Variants in GPC5 observed in about 807,000 individuals in gnomAD.
GPC5 encodes the protein glypican 5.
A neutral mutation model predicts 53.9 loss-of-function variants in GPC5; 47 were observed. The ratio of observed to expected loss-of-function variants is 0.87; its 90% CI spans 0.69 to 1.11. The LOEUF (loss-of-function observed/expected upper bound fraction) is 1.11. Ranked by LOEUF, GPC5 falls within the 50% of genes most tolerant of loss-of-function variation. The pLI is 0.00. For synonymous variants in GPC5, 286 were observed against 263.3 expected, an observed-to-expected ratio of 1.09 and a Z score of -0.84; for missense variants, 748 against 713.1, an observed-to-expected ratio of 1.05 and a Z score of -0.56.
intron 6 of GPC5, among the ~76,000 whole-genome samples, chr13:91,978,004 T>G (rs747232579): frequency 1.3e-4 from 20 of 150,754 alleles, no homozygotes; most frequent in Non-Finnish European, 2.4e-4. Flanking sequence ...AAAAATTAAA[T>G]TAGCTGGGCA....
intron 7 of GPC5, among the ~76,000 whole-genome samples, chr13:92,639,661 T>C (rs1357065747): frequency 1.3e-5 from 2 of 152,354 alleles, no homozygotes; most frequent in African/African-American, 2.4e-5. Context: ...TCAAACATTA[T>C]CTTTTCAATT....
At chr13:92,409,545 C>A (rs974035616) in intron 7 of GPC5, among the ~76,000 whole-genome samples, 3 of 151,914 alleles carry the variant, frequency 2.0e-5, no homozygotes, top group Admixed American at 2.0e-4. Flanking sequence ...AGATTAATAT[C>A]TGTTGTGAAT....
chr13:91,894,794 A>G (rs923036617), intron 5 of GPC5, among the ~76,000 whole-genome samples: 2 of 152,156 alleles, frequency 1.3e-5, no homozygotes, highest in Non-Finnish European at 2.9e-5. Context: ...AGTGTGTACA[A>G]AAATTTTAAC....
At chr13:91,725,011 G>A (rs2036548201) in intron 3 of GPC5, 1 of 152,212 alleles carries the variant, frequency 6.6e-6, no homozygotes. Flanking sequence ...CACAGTTGGG[G>A]GAGGCTCTAA....
intron 4 of GPC5, among the ~76,000 whole-genome samples, chr13:91,732,753 T>G (rs2036729498): frequency 6.6e-6 from 1 of 152,188 alleles, no homozygotes; most frequent in Admixed American, 6.5e-5. Context: ...TAGCCAGTTT[T>G]CCCAGCACCT....
chr13:92,753,269 C>T (rs1874677165), intron 7 of GPC5, among the ~76,000 whole-genome samples: 1 of 152,158 alleles, frequency 6.6e-6, no homozygotes, highest in Non-Finnish European at 1.5e-5. Context: ...AGACCTGCAG[C>T]TGAGGGTCCT....
chr13:91,847,078 G>A (rs1222341015), intron 5 of GPC5, among the ~76,000 whole-genome samples: 1 of 151,832 alleles, frequency 6.6e-6, no homozygotes, highest in Non-Finnish European at 1.5e-5. Flanking sequence ...AATTAGCCGG[G>A]TGCGGTGGCG....
intron 2 of GPC5, among the ~76,000 whole-genome samples, chr13:91,538,642 G>T (rs1886701154): frequency 6.7e-6 from 1 of 150,238 alleles, no homozygotes; most frequent in Non-Finnish European, 1.5e-5. Context: ...GAGTGCAGCG[G>T]CATGATCTTG....
At chr13:92,136,076 A>G (rs2041781808) in intron 6 of GPC5, among the ~76,000 whole-genome samples, 1 of 151,912 alleles carries the variant, frequency 6.6e-6, no homozygotes, top group African/African-American at 2.4e-5. Flanking sequence ...AGATGGAAAC[A>G]TAGTTTGGGG....
At chr13:91,829,276 G>A (rs1044752217) in intron 5 of GPC5, among the ~76,000 whole-genome samples, 12 of 151,878 alleles carry the variant, frequency 7.9e-5, no homozygotes, top group Non-Finnish European at 1.5e-4. Flanking sequence ...AAATTTTAAG[G>A]GGAAGAATGA....
At chr13:92,530,451 T>G (rs1881521368) in intron 7 of GPC5, among the ~76,000 whole-genome samples, 2 of 152,122 alleles carry the variant, frequency 1.3e-5, no homozygotes, top group East Asian at 3.9e-4. Flanking sequence ...AGAGAAAACA[T>G]GAAGAATGGC....
At chr13:91,834,089 A>G (rs1203597389) in intron 5 of GPC5, among the ~76,000 whole-genome samples, 3 of 152,162 alleles carry the variant, frequency 2.0e-5, no homozygotes, top group Non-Finnish European at 4.4e-5. Context: ...AAGCATTCCT[A>G]TACACCAAAT....
At chr13:91,420,618 C>G (rs1311741678) in intron 1 of GPC5, among the ~76,000 whole-genome samples, 1 of 152,170 alleles carries the variant, frequency 6.6e-6, no homozygotes, top group South Asian at 2.1e-4. Flanking sequence ...TTTCCTCTCT[C>G]ATATGGTTTG....
intron 6 of GPC5, among the ~76,000 whole-genome samples, chr13:91,976,857 T>C (rs923157460): frequency 6.6e-6 from 1 of 152,028 alleles, no homozygotes; most frequent in Non-Finnish European, 1.5e-5. Flanking sequence ...CTGGCCAACA[T>C]GGTGAAACCC....
chr13:91,972,400 TG>T (rs1453609238), intron 6 of GPC5, among the ~76,000 whole-genome samples: 2 of 152,190 alleles, frequency 1.3e-5, no homozygotes, highest in African/African-American at 4.8e-5. Context: ...AGCACACTGA[TG>T]GGTCTTGACT....
intron 2 of GPC5, among the ~76,000 whole-genome samples, chr13:91,589,930 A>C (rs1400655340): frequency 6.6e-6 from 1 of 152,238 alleles, no homozygotes; most frequent in East Asian, 1.9e-4. Flanking sequence ...AATACTCTTC[A>C]GTCCTATAGT....
chr13:91,881,578 C>T (rs548406306), intron 5 of GPC5, among the ~76,000 whole-genome samples: 2 of 152,174 alleles, frequency 1.3e-5, no homozygotes, highest in South Asian at 4.1e-4. Context: ...GCATTTAGAC[C>T]TTTATACATC....
At chr13:91,712,984 A>C (rs1316611278) in intron 3 of GPC5, among the ~76,000 whole-genome samples, 1 of 152,186 alleles carries the variant, frequency 6.6e-6, no homozygotes, top group Non-Finnish European at 1.5e-5. Flanking sequence ...TGAGGTCAGG[A>C]GTTTGAGACC....
intron 5 of GPC5, among the ~76,000 whole-genome samples, chr13:91,806,714 A>G (rs2038228155): frequency 1.3e-5 from 2 of 152,212 alleles, no homozygotes; most frequent in African/African-American, 4.8e-5. Context: ...GCACAAAAAC[A>G]TTCAATAGAA....
Sources: allele counts gnomAD v4.1 joint callset (sites outside exome capture counted in the v4.1 genomes callset), GRCh38; gene constraint gnomAD v4.1.1; transcripts MANE v1.5; gene names NCBI Gene and HGNC (gene_info 2026-07-23, HGNC 2026-07-21).